Variants in SMG5 observed in about 807,000 individuals in gnomAD.
The protein encoded by SMG5 is nonsense-mediated mRNA decay factor SMG5.
A neutral mutation model predicts 122.9 loss-of-function variants in SMG5; 53 were observed. That is an observed-to-expected ratio of 0.43 (90% CI 0.35 to 0.54). SMG5 has a LOEUF of 0.54. SMG5 is among the 20% of genes least tolerant of loss of function. The pLI is 0.01. For synonymous variants in SMG5, 477 were observed against 490.2 expected, an observed-to-expected ratio of 0.97 and a Z score of 0.35; for missense variants, 1,153 against 1,285.6, an observed-to-expected ratio of 0.90 and a Z score of 1.58.
chr1:156,268,312 T>C lies in SMG5; in HGVS notation c.817A>G (p.Lys273Glu). 6.2e-7 allele frequency: 1 copy of C among 1,614,182 alleles called. No homozygotes were observed. Among genetic ancestry groups the C allele is most frequent in the Non-Finnish European group, 8.5e-7 (1 of 1,180,024 alleles). ...CACCGCTTTTTGCCAGGAGACAGTTTCCGAGTCTCACACTTCTTCAGTTGG... is the reference window on the plus strand; with the variant it reads ...CACCGCTTTTTGCCAGGAGACAGTTCCCGAGTCTCACACTTCTTCAGTTGG... Reference protein sequence around the residue: ...YHQLKKCETRKLSPGKKRCKD... With the variant: ...YHQLKKCETRELSPGKKRCKD... Residue 273 changes from lysine (K) to glutamate (E), a missense_variant, in exon 8 of 22, where the codon AAA becomes GAA. Lys to Glu is a moderately conservative substitution (Grantham distance 56). Coordinates refer to ENST00000361813, the MANE Select transcript of SMG5 (RefSeq NM_015327.3).
chr1:156,270,805 T>C (rs1360896512), intron 7 of SMG5, among the ~76,000 whole-genome samples: 4 of 152,136 alleles, frequency 2.6e-5, no homozygotes, highest in African/African-American at 4.8e-5. Flanking sequence ...GTCGGGAGTT[T>C]GAGACCAGCC....
intron 19 of SMG5, among the ~76,000 whole-genome samples, chr1:156,251,689 C>T (rs1351719326): frequency 1.3e-5 from 2 of 152,156 alleles, no homozygotes; most frequent in Non-Finnish European, 2.9e-5. Context: ...TATTTGGTTC[C>T]TCTCAGGGGA....
Position 156,250,529 on chromosome 1 carries a change from GC to G in SMG5, c.*57del. 1 of 1,482,892 alleles carries G rather than the reference GC, an allele frequency of 6.7e-7. No homozygotes were observed. Among genetic ancestry groups the G allele is most frequent in the Non-Finnish European group, 9.4e-7 (1 of 1,061,140 alleles). 91.9% of individuals were successfully genotyped at this position (1,482,892 alleles called of 1,614,324 possible). A position where few individuals can be genotyped will look rare whatever the true frequency, so the allele number is the denominator to read the frequency against. ...GTGACTACAGGTGCTGGTCCTGGCT[GC>G]CAGGGAGGGCAGGAGAGATCTGGAG... is the stretch of plus-strand genomic sequence containing the variant. On this transcript the variant is annotated 3_prime_UTR_variant, in exon 22 of 22. Coordinates refer to ENST00000361813, the MANE Select transcript of SMG5 (RefSeq NM_015327.3).
At chr1:156,285,531 C>T, upstream of SMG5, 1 of 1,614,214 alleles carries the variant, frequency 6.2e-7, no homozygotes, top group Admixed American at 1.7e-5. Flanking sequence ...CCAGAGCCCC[C>T]TGAGTCAGAA....
the SMG5 span, among the ~76,000 whole-genome samples, chr1:156,288,021 T>C: frequency 6.6e-6 from 1 of 151,870 alleles, no homozygotes; most frequent in African/African-American, 2.4e-5. Context: ...GAGACCATCC[T>C]GGCTAACACG....
At chr1:156,267,970 G>A in intron 9 of SMG5, 145 bp downstream of exon 9, 1 of 883,748 alleles carries the variant, frequency 1.1e-6, no homozygotes, top group South Asian at 1.7e-5. Flanking sequence ...GAGAAACAGT[G>A]AGGAATGCCA....
At position 156,259,263 on chromosome 1, in the gene SMG5, G is replaced by A. The variant is rs1370142837; in HGVS notation, c.2284-100C>T. On this transcript the variant is annotated intron_variant, in intron 15 of 21. Transcript: ENST00000361813. ...CTCCCACCCTCCCACCTCCCTGCTGGCCCAGCCACCTCAGCCAACAAGGGC... is the reference window on the plus strand; with the variant it reads ...CTCCCACCCTCCCACCTCCCTGCTGACCCAGCCACCTCAGCCAACAAGGGC... 3.1e-6 allele frequency: 4 copies of A among 1,297,018 alleles called. No homozygotes were observed. In the Admixed American group the frequency reaches 1.3e-4, roughly 42 times the overall value. The allele number at this position is 1,297,018 out of a possible 1,614,324, so 80.3% of individuals were successfully genotyped here.
intron 16 of SMG5, among the ~76,000 whole-genome samples, chr1:156,257,930 G>A (rs1356998379): frequency 6.6e-6 from 1 of 152,198 alleles, no homozygotes; most frequent in Admixed American, 6.5e-5. Flanking sequence ...TTAGCTCAGG[G>A]TGGTGTGTTG....
chr1:156,259,091 A>C lies in SMG5; in HGVS notation c.2356T>G (p.Phe786Val), dbSNP rs1447843003. 2 of 1,612,078 alleles carry C rather than the reference A, an allele frequency of 1.2e-6. No homozygotes were observed. The highest frequency in any genetic ancestry group is 1.7e-6 in the Non-Finnish European group (2 of 1,179,232). The change falls in exon 16 of 22, where the codon TTC (phenylalanine) becomes GTC (valine). Residue 786 changes from phenylalanine (F) to valine (V), a missense_variant. Around this residue, in one of 5 missense-constraint regions of SMG5, gnomAD observed 140 missense variants for 227.8 expected, o/e 0.61. Coordinates refer to ENST00000361813, the MANE Select transcript of SMG5 (RefSeq NM_015327.3). The part of the protein sequence containing the change: ...IARLQGSILQ[F>V]NPEVGIFVSI... The stretch of plus-strand genomic sequence containing the variant: ...ACGAAGATGCCAACCTCTGGGTTGA[A>C]CTGCAGGATGCTGCCTTGCAGGCGG...
intron 15 of SMG5, among the ~76,000 whole-genome samples, chr1:156,260,160 G>A (rs1305172434): frequency 6.6e-6 from 1 of 152,122 alleles, no homozygotes; most frequent in Admixed American, 6.5e-5. Flanking sequence ...AGATTTCGAA[G>A]CCCTAATAAC....
At chr1:156,269,227 C>T (rs1003376808) in intron 7 of SMG5, among the ~76,000 whole-genome samples, 2 of 152,080 alleles carry the variant, frequency 1.3e-5, no homozygotes, top group Admixed American at 6.6e-5. Flanking sequence ...GCCTCAGCCT[C>T]CCAAAGTGCT....
In SMG5 at chr1:156,268,103, T is replaced by A. The variant is rs370154064; in HGVS notation, c.908+12A>T. ...CACAGGATAGTTCAGGTTCATGCTC[T>A]CTTCCACTCACCTGCTTTTGGGCTG... On this transcript the variant is annotated intron_variant, in intron 9 of 21. Transcript: ENST00000361813. The A allele has an allele frequency of 5.0e-6, 8 of 1,613,860 alleles. No individual in the cohort carries two copies. In the African/African-American group the frequency reaches 8.0e-5, roughly 16 times the overall value.
chr1:156,285,920 A>C (rs777278993), upstream of SMG5: 1 of 1,604,326 alleles, frequency 6.2e-7, no homozygotes. Context: ...GCTGCCCACC[A>C]TGAGTTCCCG....
At chr1:156,258,669 G>C (rs1286531411) in intron 16 of SMG5, among the ~76,000 whole-genome samples, 1 of 152,090 alleles carries the variant, frequency 6.6e-6, no homozygotes, top group Non-Finnish European at 1.5e-5. Context: ...GGTGGCGTGC[G>C]CCTGTAGTCC....
chr1:156,285,394 C>G, upstream of SMG5: 4 of 1,592,644 alleles, frequency 2.5e-6, no homozygotes, highest in East Asian at 9.0e-5. Flanking sequence ...CTGGATCTCC[C>G]ACAGCCATAG....
At position 156,259,295 on chromosome 1, in the gene SMG5, G is replaced by A. The variant is rs1380539560; in HGVS notation, c.2284-132C>T. On this transcript the variant is annotated intron_variant, in intron 15 of 21. Transcript: ENST00000361813. Reference sequence around the variant, plus strand: ...CACCTCAGCCAACAAGGGCTCCAGGGGAAGATTTGTGGTCTATGGGGTGGG... The same window carrying A: ...CACCTCAGCCAACAAGGGCTCCAGGAGAAGATTTGTGGTCTATGGGGTGGG... The A allele has an allele frequency of 6.2e-6, 6 of 972,246 alleles. No individual in the cohort carries two copies. The Admixed American group carries it at 2.1e-4, about 34-fold the overall frequency. The allele number at this position is 972,246 out of a possible 1,614,324, so 60.2% of individuals were successfully genotyped here. A position where few individuals can be genotyped will look rare whatever the true frequency, so the allele number is the denominator to read the frequency against.
chr1:156,271,129 T>C (rs1662397122), intron 7 of SMG5, among the ~76,000 whole-genome samples: 1 of 152,174 alleles, frequency 6.6e-6, no homozygotes, highest in African/African-American at 2.4e-5. Flanking sequence ...CTGATCTAGA[T>C]GAGAGGGACC....
At chr1:156,252,870 G>C (rs150938881) in intron 18 of SMG5, 49 bp downstream of exon 18, 1 of 1,472,128 alleles carries the variant, frequency 6.8e-7, no homozygotes, top group African/African-American at 1.4e-5. Flanking sequence ...CCCAAGCCCA[G>C]AATCTCTTTT....
upstream of SMG5, chr1:156,285,797 AGCTGTGGAGACCGTGAGTGGCTAAGG>A (rs1282161859): frequency 6.2e-7 from 1 of 1,613,054 alleles, no homozygotes; most frequent in African/African-American, 1.3e-5. Flanking sequence ...GGGCTGCGGG[AGCTGTGGAGACCGTGAGTGGCTAAGG>A]GCTGTGGCCT....
Sources: allele counts gnomAD v4.1 joint callset (sites outside exome capture counted in the v4.1 genomes callset), GRCh38; gene constraint gnomAD v4.1.1; regional missense constraint gnomAD v4.1.1; transcripts MANE v1.5; gene names NCBI Gene and HGNC (gene_info 2026-07-23, HGNC 2026-07-21).